The following WDR25 variants were observed in gnomAD, a reference collection of about 807,000 sequenced individuals.
WDR25 encodes the protein WD repeat domain 25, also known as WD repeat-containing protein 25.
In WDR25, 35 loss-of-function variants were observed where a neutral mutation model predicts 47.7. The ratio of observed to expected loss-of-function variants is 0.73; its 90% CI spans 0.56 to 0.97. The LOEUF (loss-of-function observed/expected upper bound fraction) is 0.97, where lower values mean the gene tolerates loss of function less well. WDR25 is among the 50% of genes least tolerant of loss of function. WDR25 has a pLI of 0.00. For missense variants in WDR25, 634 were observed against 704.7 expected, an observed-to-expected ratio of 0.90 and a Z score of 1.14; for synonymous variants, 248 against 278.9, an observed-to-expected ratio of 0.89 and a Z score of 1.10.
At chr14:100,462,062 T>C (rs1266518381) in intron 2 of WDR25, among the ~76,000 whole-genome samples, 1 of 152,144 alleles carries the variant, frequency 6.6e-6, no homozygotes, top group Non-Finnish European at 1.5e-5. Flanking sequence ...GTATTTTTTG[T>C]AACCAAAAAC....
chr14:100,378,172 ATTTT>A (rs11350148), intron 1 of WDR25, among the ~76,000 whole-genome samples: 52,727 of 149,606 alleles, frequency 0.35, 11,579 homozygotes, highest in South Asian at 0.66. Flanking sequence ...TTTCAGAAAG[ATTTT>A]TTTTTTTTTT....
chr14:100,434,197 C>T (rs1392093410), intron 2 of WDR25, among the ~76,000 whole-genome samples: 1 of 152,188 alleles, frequency 6.6e-6, no homozygotes, highest in Non-Finnish European at 1.5e-5. Flanking sequence ...TAGATGTCTG[C>T]CTATACATGC....
intron 3 of WDR25, among the ~76,000 whole-genome samples, chr14:100,483,001 A>G (rs1900257488): frequency 6.6e-6 from 1 of 152,114 alleles, no homozygotes. Context: ...CTGGTGTGTG[A>G]GCCCTGCCTG....
chr14:100,411,456 T>C (rs1246546730), intron 2 of WDR25, among the ~76,000 whole-genome samples: 1 of 152,172 alleles, frequency 6.6e-6, no homozygotes, highest in African/African-American at 2.4e-5. Context: ...TAACAACACC[T>C]GTTGGTTCTC....
intron 2 of WDR25, among the ~76,000 whole-genome samples, chr14:100,400,949 A>G (rs1404210008): frequency 6.6e-6 from 1 of 152,236 alleles, no homozygotes; most frequent in Non-Finnish European, 1.5e-5. Flanking sequence ...GTTTGAAATT[A>G]GCATAGTAAA....
chr14:100,480,164 A>C (rs1449553501), intron 3 of WDR25, among the ~76,000 whole-genome samples: 1 of 152,182 alleles, frequency 6.6e-6, no homozygotes, highest in Non-Finnish European at 1.5e-5. Flanking sequence ...TCAGCATCCC[A>C]TCAGGCAGAA....
At chr14:100,450,988 A>G (rs1899011770) in intron 2 of WDR25, among the ~76,000 whole-genome samples, 1 of 152,218 alleles carries the variant, frequency 6.6e-6, no homozygotes, top group East Asian at 1.9e-4. Context: ...GTGCGGGTCC[A>G]CAAGAGAGTG....
At chr14:100,518,179 A>G (rs550726470) in intron 4 of WDR25, among the ~76,000 whole-genome samples, 137 of 152,314 alleles carry the variant, frequency 9.0e-4, no homozygotes, top group African/African-American at 3.2e-3. Flanking sequence ...TGTTCATGAC[A>G]AATTCACTTA....
In WDR25 at chr14:100,381,464, A is replaced by G. The variant is rs1896894142; in HGVS notation, c.540A>G (p.Arg180=). The G allele has an allele frequency of 6.2e-7, 1 of 1,614,184 alleles. No homozygotes were observed. Among genetic ancestry groups the G allele is most frequent in the Non-Finnish European group, 8.5e-7 (1 of 1,180,038 alleles). ...EDCVVPYTPR[R]LRQRQALSTE... ...GTGTGGTACCCTATACTCCCAGAAG[A>G]CTAAGACAGCGGCAGGCATTAAGCA... Residue 180 remains arginine (R), a synonymous_variant, in exon 2 of 7, where the codon AGA becomes AGG. Coordinates refer to ENST00000402312, the MANE Select transcript of WDR25 (RefSeq NM_001161476.3).
intron 2 of WDR25, among the ~76,000 whole-genome samples, chr14:100,455,668 T>A (rs984500720): frequency 6.6e-6 from 1 of 152,118 alleles, no homozygotes; most frequent in Non-Finnish European, 1.5e-5. Flanking sequence ...AAAATGAGTG[T>A]CATGTGGAGG....
chr14:100,491,695 G>C (rs747697979), intron 4 of WDR25, among the ~76,000 whole-genome samples: 1 of 152,214 alleles, frequency 6.6e-6, no homozygotes, highest in African/African-American at 2.4e-5. Flanking sequence ...ATCAGTGAGG[G>C]CTGTGCGTTT....
intron 1 of WDR25, among the ~76,000 whole-genome samples, chr14:100,377,772 G>A (rs1434578200): frequency 6.6e-6 from 1 of 152,178 alleles, no homozygotes; most frequent in Non-Finnish European, 1.5e-5. Flanking sequence ...CCACTTGGGG[G>A]AAAGGTGTGG....
At chr14:100,473,890 T>C (rs1223268340) in intron 3 of WDR25, among the ~76,000 whole-genome samples, 17 of 152,220 alleles carry the variant, frequency 1.1e-4, no homozygotes, top group African/African-American at 4.1e-4. Flanking sequence ...AGGACTTGAT[T>C]AGGTATCCCT....
chr14:100,497,398 C>T (rs1177348385), intron 4 of WDR25, among the ~76,000 whole-genome samples: 4 of 152,094 alleles, frequency 2.6e-5, no homozygotes, highest in Admixed American at 2.0e-4. Flanking sequence ...GCTTCATATA[C>T]TTTGAAGCTG....
chr14:100,457,702 A>G (rs373296410), intron 2 of WDR25, among the ~76,000 whole-genome samples: 1 of 152,254 alleles, frequency 6.6e-6, no homozygotes, highest in Non-Finnish European at 1.5e-5. Flanking sequence ...ATCACTTTCA[A>G]TGATGATTGA....
intron 2 of WDR25, among the ~76,000 whole-genome samples, chr14:100,439,503 C>T (rs963579108): frequency 1.3e-5 from 2 of 152,194 alleles, no homozygotes; most frequent in African/African-American, 4.8e-5. Context: ...GGAGGGAAGC[C>T]GTCAAAATAA....
chr14:100,479,190 C>A (rs1047526056), intron 3 of WDR25, among the ~76,000 whole-genome samples: 2 of 152,052 alleles, frequency 1.3e-5, no homozygotes, highest in Non-Finnish European at 2.9e-5. Context: ...AAGCGAGTGT[C>A]CTGGGGCCTC....
At chr14:100,469,048 T>C (rs1899740595) in intron 3 of WDR25, among the ~76,000 whole-genome samples, 1 of 152,200 alleles carries the variant, frequency 6.6e-6, no homozygotes, top group Admixed American at 6.5e-5. Flanking sequence ...TCATTTCTGC[T>C]GGGCTCCACT....
At position 100,529,292 on chromosome 14, in the gene WDR25, ATGGAGCCTCTGTCTGGG is replaced by A; in HGVS notation, c.1413+89_1413+105del. On this transcript the variant is annotated intron_variant, in intron 6 of 6. Transcript: ENST00000402312. This position sits in a 1 kb window ranked among gnomAD's most constrained non-coding sequence, Gnocchi z 5.1. The stretch of plus-strand genomic sequence containing the variant: ...GTCCTGGACATGGGCCCTGGGGTGC[ATGGAGCCTCTGTCTGGG>A]TGGATCCTGCTTTCTGTTTCCTGGG... The A allele has an allele frequency of 1.3e-6, 2 of 1,579,376 alleles. No homozygotes were observed. Among genetic ancestry groups the A allele is most frequent in the Non-Finnish European group, 1.7e-6 (2 of 1,160,254 alleles).
Sources: allele counts gnomAD v4.1 joint callset (sites outside exome capture counted in the v4.1 genomes callset), GRCh38; gene constraint gnomAD v4.1.1; non-coding constraint Gnocchi (gnomAD v3.1); transcripts MANE v1.5; gene names NCBI Gene and HGNC (gene_info 2026-07-23, HGNC 2026-07-21).